PHACTR3: variants seen among roughly 807,000 people sequenced by gnomAD.
PHACTR3 encodes the protein phosphatase and actin regulator 3.
In PHACTR3, 16 loss-of-function variants were observed where a neutral mutation model predicts 66.8. That is an observed-to-expected ratio of 0.24 (90% CI 0.16 to 0.36). PHACTR3 has a LOEUF of 0.36. Among genes scored for constraint, PHACTR3 ranks in the 10% least tolerant of loss-of-function variants. The pLI is 1.00. For synonymous variants in PHACTR3, 323 were observed against 292.1 expected (o/e 1.11, Z -1.08); for missense variants, 647 against 719.9 (o/e 0.90, Z 1.16).
At chr20:59,650,302 A>G (rs1306193950) in intron 1 of PHACTR3, among the ~76,000 whole-genome samples, 1 of 152,218 alleles carries the variant, frequency 6.6e-6, no homozygotes, top group Admixed American at 6.5e-5. Flanking sequence ...GGTTGCAGAT[A>G]CAAAGATTCT....
intron 3 of PHACTR3, among the ~76,000 whole-genome samples, chr20:59,751,008 C>T (rs1274197710): frequency 6.6e-6 from 1 of 152,204 alleles, no homozygotes; most frequent in African/African-American, 2.4e-5. Context: ...TGCTGGGTCA[C>T]CGGGTCCTCT....
At chr20:59,778,092 G>A (rs2040598690) in intron 7 of PHACTR3, among the ~76,000 whole-genome samples, 1 of 152,120 alleles carries the variant, frequency 6.6e-6, no homozygotes, top group Non-Finnish European at 1.5e-5. Context: ...GGAGCAGTTC[G>A]CGGGTCCAGC....
At chr20:59,846,097 T>C (rs1462161044) in intron 12 of PHACTR3, among the ~76,000 whole-genome samples, 2 of 152,174 alleles carry the variant, frequency 1.3e-5, no homozygotes, top group Non-Finnish European at 2.9e-5. Flanking sequence ...ACTGTATCAG[T>C]TGCTTTGTCT....
chr20:59,589,527 C>G (rs1568919240), intron 1 of PHACTR3, among the ~76,000 whole-genome samples: 4 of 152,202 alleles, frequency 2.6e-5, no homozygotes, highest in South Asian at 4.2e-4. Flanking sequence ...TAATTTATAG[C>G]TCGGGCTACG....
At chr20:59,724,659 CAGTT>C (rs1390422784) in intron 1 of PHACTR3, among the ~76,000 whole-genome samples, 7 of 152,186 alleles carry the variant, frequency 4.6e-5, no homozygotes, top group Non-Finnish European at 1.0e-4. Flanking sequence ...CTGGGCCAGT[CAGTT>C]AGCCTTTTGC....
intron 9 of PHACTR3, 94 bp from the exon 10 acceptor site, chr20:59,840,275 A>G (rs1323454797): frequency 4.7e-6 from 7 of 1,502,472 alleles, no homozygotes; most frequent in Admixed American, 2.4e-5. Context: ...TCCCAGAAAT[A>G]TGGATATCTT....
At chr20:59,726,441 C>T (rs1601199737) in intron 1 of PHACTR3, among the ~76,000 whole-genome samples, 1 of 152,178 alleles carries the variant, frequency 6.6e-6, no homozygotes, top group African/African-American at 2.4e-5. Context: ...ACTGGGCCTC[C>T]TCGCCACCAG....
chr20:59,586,409 C>T (rs1192000504), intron 1 of PHACTR3, among the ~76,000 whole-genome samples: 1 of 152,238 alleles, frequency 6.6e-6, no homozygotes, highest in African/African-American at 2.4e-5. Flanking sequence ...ATTCCAGTAA[C>T]AAGGACGCTC....
At chr20:59,591,902 C>T (rs1053967331) in intron 1 of PHACTR3, among the ~76,000 whole-genome samples, 1 of 152,060 alleles carries the variant, frequency 6.6e-6, no homozygotes, top group African/African-American at 2.4e-5. Flanking sequence ...CAGCTTCTCT[C>T]GCCCCTCAAC....
intron 1 of PHACTR3, among the ~76,000 whole-genome samples, chr20:59,665,112 C>T (rs533700055): frequency 2.0e-5 from 3 of 152,240 alleles, no homozygotes; most frequent in Non-Finnish European, 4.4e-5. Flanking sequence ...CATAAGCAGT[C>T]TTTCAGTAGA....
At chr20:59,584,396 A>T (rs1466655631) in intron 1 of PHACTR3, among the ~76,000 whole-genome samples, 1 of 151,064 alleles carries the variant, frequency 6.6e-6, no homozygotes. Flanking sequence ...GAGGCTGTGC[A>T]GGAGTGTGCG....
chr20:59,748,412 T>C (rs190550890), intron 3 of PHACTR3, among the ~76,000 whole-genome samples: 6 of 152,238 alleles, frequency 3.9e-5, no homozygotes, highest in Non-Finnish European at 7.4e-5. Context: ...CATTGCAGCC[T>C]GAGAGCAGAG....
intron 1 of PHACTR3, chr20:59,577,679 A>G: frequency 2.7e-6 from 3 of 1,093,404 alleles, no homozygotes; most frequent in Admixed American, 4.6e-5. Context: ...GCCGGGCACG[A>G]GGCGCTGGGG....
At chr20:59,771,065 G>A (rs1010340269) in intron 5 of PHACTR3, among the ~76,000 whole-genome samples, 12 of 152,208 alleles carry the variant, frequency 7.9e-5, no homozygotes, top group Non-Finnish European at 1.8e-4. Context: ...GCCAGGCAAA[G>A]CTCTATGGGG....
intron 3 of PHACTR3, among the ~76,000 whole-genome samples, chr20:59,749,762 T>G (rs1350680847): frequency 6.6e-6 from 1 of 152,248 alleles, no homozygotes; most frequent in Admixed American, 6.5e-5. Context: ...AAAACTTTAT[T>G]TATGGCCACT....
chr20:59,815,426 T>G (rs1357355867), intron 8 of PHACTR3, among the ~76,000 whole-genome samples: 1 of 149,296 alleles, frequency 6.7e-6, no homozygotes, highest in Non-Finnish European at 1.5e-5. Context: ...TGGTTTTTTT[T>G]TTTTTGTTTT....
chr20:59,629,378 G>C (rs4810175), intron 1 of PHACTR3, among the ~76,000 whole-genome samples: 116,440 of 152,256 alleles, frequency 0.76, 44,604 homozygotes, highest in East Asian at 0.89. Flanking sequence ...TTCTCCCTCC[G>C]CTGTTCTGGC....
At chr20:59,612,260 G>A (rs6026997) in intron 1 of PHACTR3, among the ~76,000 whole-genome samples, 8,097 of 152,198 alleles carry the variant, frequency 0.053, 490 homozygotes, top group East Asian at 0.31. Context: ...CTGCAGGGCC[G>A]GGACTTCCGC....
chr20:59,761,131 T>G (rs2039978983), intron 4 of PHACTR3, among the ~76,000 whole-genome samples: 2 of 152,124 alleles, frequency 1.3e-5, no homozygotes, highest in Admixed American at 6.5e-5. Flanking sequence ...AATTGCAGGC[T>G]TCAGGTCAGA....
Sources: allele counts gnomAD v4.1 joint callset (sites outside exome capture counted in the v4.1 genomes callset), GRCh38; gene constraint gnomAD v4.1.1; transcripts MANE v1.5; gene names NCBI Gene and HGNC (gene_info 2026-07-23, HGNC 2026-07-21).